Variants in PRKCA observed in about 807,000 individuals in gnomAD.
PRKCA encodes the protein protein kinase C alpha.
Under a neutral mutation model 87.0 loss-of-function variants are expected in PRKCA, and 27 were observed. That is an observed-to-expected ratio of 0.31 (90% CI 0.23 to 0.43). The LOEUF (loss-of-function observed/expected upper bound fraction) is 0.43. Among genes scored for constraint, PRKCA ranks in the 20% least tolerant of loss-of-function variants. The pLI is 1.00. For synonymous variants in PRKCA, 329 were observed against 311.1 expected, an observed-to-expected ratio of 1.06 and a Z score of -0.61; for missense variants, 518 against 852.3, an observed-to-expected ratio of 0.61 and a Z score of 4.88.
At chr17:66,745,312 C>G (rs1378437257) in intron 13 of PRKCA, among the ~76,000 whole-genome samples, 1 of 152,244 alleles carries the variant, frequency 6.6e-6, no homozygotes, top group East Asian at 1.9e-4. Context: ...TCATTCCCCT[C>G]CTTACATCTA....
chr17:66,593,008 T>G (rs1969857848), intron 3 of PRKCA, among the ~76,000 whole-genome samples: 1 of 152,166 alleles, frequency 6.6e-6, no homozygotes, highest in South Asian at 2.1e-4. Flanking sequence ...GTCAGGCTGG[T>G]CTCGAACTCC....
At chr17:66,370,325 G>A (rs1909021394) in intron 2 of PRKCA, among the ~76,000 whole-genome samples, 1 of 135,302 alleles carries the variant, frequency 7.4e-6, no homozygotes, top group Non-Finnish European at 1.5e-5. Flanking sequence ...TCTGCCTCCC[G>A]GGTTCAAGCA....
intron 8 of PRKCA, among the ~76,000 whole-genome samples, chr17:66,690,704 T>A (rs1400558764): frequency 6.6e-6 from 1 of 151,628 alleles, no homozygotes; most frequent in African/African-American, 2.4e-5. Context: ...GGCATGTGCC[T>A]GTACTCCCAG....
intron 2 of PRKCA, among the ~76,000 whole-genome samples, chr17:66,454,653 G>A (rs1914498647): frequency 6.6e-6 from 1 of 152,166 alleles, no homozygotes; most frequent in Non-Finnish European, 1.5e-5. Flanking sequence ...AGCGAAACAA[G>A]TTTCCCTTTC....
At chr17:66,785,268 C>T (rs56007627) in intron 14 of PRKCA, among the ~76,000 whole-genome samples, 66,884 of 151,706 alleles carry the variant, frequency 0.44, 16,649 homozygotes, top group African/African-American at 0.69. Context: ...AGGGGAGGGA[C>T]CTACTTGGCT....
At position 66,548,656 on chromosome 17, in the gene PRKCA, C is replaced by T. The variant is rs185225474; in HGVS notation, c.288+52373C>T. On this transcript the variant is annotated intron_variant, in intron 3 of 16. Coordinates refer to ENST00000413366, the MANE Select transcript of PRKCA (RefSeq NM_002737.3). ...TGGAAAAAAAGGGTCTTGAGGTGAC[C>T]CTATCCTGGACTATCTGCATGGGCC... is the stretch of plus-strand genomic sequence containing the variant. Among the ~76,000 whole-genome samples the T allele has an allele frequency of 1.6e-3, 249 of 152,184 alleles. 2 individuals carry two copies. The highest frequency in any genetic ancestry group is 5.1e-3 in the Admixed American group (78 of 15,290).
intron 5 of PRKCA, among the ~76,000 whole-genome samples, chr17:66,684,941 T>A (rs562224045): frequency 2.6e-5 from 4 of 152,284 alleles, no homozygotes; most frequent in African/African-American, 9.6e-5. Flanking sequence ...ATGGGAGAGC[T>A]CCATTTTTGT....
chr17:66,621,731 A>G (rs965248440), intron 3 of PRKCA, among the ~76,000 whole-genome samples: 1 of 152,094 alleles, frequency 6.6e-6, no homozygotes, highest in Non-Finnish European at 1.5e-5. Context: ...AAGCAAAAGT[A>G]AGAAATAGTA....
At chr17:66,479,395 C>T (rs2144044993) in intron 2 of PRKCA, among the ~76,000 whole-genome samples, 1 of 152,278 alleles carries the variant, frequency 6.6e-6, no homozygotes, top group Middle Eastern at 3.4e-3. Context: ...AACACTTTTA[C>T]ACTTATGGTG....
At chr17:66,607,249 A>G (rs1405192816) in intron 3 of PRKCA, among the ~76,000 whole-genome samples, 2 of 152,162 alleles carry the variant, frequency 1.3e-5, no homozygotes, top group Non-Finnish European at 2.9e-5. Flanking sequence ...CCTTTCATTA[A>G]TTGTACTTTT....
At chr17:66,720,658 G>C (rs1442353415) in intron 8 of PRKCA, among the ~76,000 whole-genome samples, 2 of 152,184 alleles carry the variant, frequency 1.3e-5, no homozygotes, top group Non-Finnish European at 2.9e-5. Context: ...CTGTTACATG[G>C]AATAGCAATG....
intron 2 of PRKCA, among the ~76,000 whole-genome samples, chr17:66,352,402 C>T (rs892398147): frequency 1.3e-5 from 2 of 152,020 alleles, no homozygotes; most frequent in African/African-American, 4.8e-5. Flanking sequence ...AAGAGCAGGG[C>T]ATGGGCTCTG....
At chr17:66,791,481 C>G (rs991776168) in intron 16 of PRKCA, among the ~76,000 whole-genome samples, 4 of 152,174 alleles carry the variant, frequency 2.6e-5, no homozygotes, top group African/African-American at 9.7e-5. Flanking sequence ...CAGGGAGACC[C>G]GTAGACGCTG....
At chr17:66,695,893 A>G (rs1193915755) in intron 8 of PRKCA, among the ~76,000 whole-genome samples, 1 of 152,248 alleles carries the variant, frequency 6.6e-6, no homozygotes, top group Non-Finnish European at 1.5e-5. Flanking sequence ...ACCCAAGAAA[A>G]CAAGATGAAT....
At position 66,741,728 on chromosome 17, in the gene PRKCA, A is replaced by T. The variant is rs764567680; in HGVS notation, c.1385+7A>T. 6.2e-7 allele frequency: 1 copy of T among 1,613,804 alleles called. No homozygotes were observed. The highest frequency in any genetic ancestry group is 8.5e-7 in the Non-Finnish European group (1 of 1,179,772). ...AAAGAGGAATCATTTATAGGTGTGT[A>T]TTGAAGCCCTCCTACCAGCAGCTCA... On this transcript the variant is annotated splice_region_variant and intron_variant, in intron 12 of 16. Coordinates refer to ENST00000413366, the MANE Select transcript of PRKCA (RefSeq NM_002737.3).
intron 13 of PRKCA, among the ~76,000 whole-genome samples, chr17:66,770,290 T>C (rs1320114943): frequency 6.6e-6 from 1 of 152,258 alleles, no homozygotes; most frequent in Non-Finnish European, 1.5e-5. Flanking sequence ...GGTAATATGA[T>C]AGGATGTTTA....
intron 8 of PRKCA, among the ~76,000 whole-genome samples, chr17:66,706,402 G>C (rs1395850094): frequency 1.3e-5 from 2 of 152,046 alleles, no homozygotes; most frequent in Admixed American, 6.5e-5. Flanking sequence ...TTGGGAGGCC[G>C]AGGCAGGCAG....
In PRKCA at chr17:66,703,191, A is replaced by G. The variant is rs182322893; in HGVS notation, c.918+14144A>G. On this transcript the variant is annotated intron_variant, in intron 8 of 16. Transcript: ENST00000413366. ...ACTTTTAAAAAAGTTTTGACTCATAATAACACTTAAATAACACTTAAAACA... is the reference window on the plus strand; with the variant it reads ...ACTTTTAAAAAAGTTTTGACTCATAGTAACACTTAAATAACACTTAAAACA... 141 of 152,342 alleles carry G rather than the reference A, an allele frequency of 9.3e-4. 2 individuals carry two copies. Among genetic ancestry groups the G allele is most frequent in the African/African-American group, 3.2e-3 (135 of 41,560 alleles). 9.4% of individuals were successfully genotyped at this position (152,342 alleles called of 1,614,324 possible).
chr17:66,361,334 C>A (rs1207907270), intron 2 of PRKCA, among the ~76,000 whole-genome samples: 1 of 148,358 alleles, frequency 6.7e-6, no homozygotes, highest in Non-Finnish European at 1.5e-5. Flanking sequence ...TTTTTTAGGA[C>A]AGGGTCTCGC....
Sources: allele counts gnomAD v4.1 joint callset (sites outside exome capture counted in the v4.1 genomes callset), GRCh38; gene constraint gnomAD v4.1.1; transcripts MANE v1.5; gene names NCBI Gene and HGNC (gene_info 2026-07-23, HGNC 2026-07-21).